The following FGF14 variants were observed in gnomAD, a reference collection of about 807,000 sequenced individuals.
FGF14 encodes the protein fibroblast growth factor homologous factor 4.
FGF14 carries 5 observed loss-of-function variants against 25.5 expected under a neutral mutation model. The ratio of observed to expected loss-of-function variants is 0.20; its 90% CI spans 0.10 to 0.41. The LOEUF (loss-of-function observed/expected upper bound fraction) is 0.41, where lower values mean the gene tolerates loss of function less well. FGF14 is among the 10% of genes least tolerant of loss of function. The pLI is 1.00. For missense variants in FGF14, 222 were observed against 320.1 expected, an observed-to-expected ratio of 0.69 and a Z score of 2.34; for synonymous variants, 138 against 118.3, an observed-to-expected ratio of 1.17 and a Z score of -1.08.
At chr13:102,174,827 C>G (rs933652884) in intron 1 of FGF14, among the ~76,000 whole-genome samples, 1 of 152,018 alleles carries the variant, frequency 6.6e-6, no homozygotes, top group Non-Finnish European at 1.5e-5. Context: ...ATTATGCTCA[C>G]TACCAGGGTG....
chr13:102,323,214 T>C (rs1448676709), intron 1 of FGF14, among the ~76,000 whole-genome samples: 3 of 152,182 alleles, frequency 2.0e-5, no homozygotes, highest in Admixed American at 6.5e-5. Context: ...CTGAGAAAAA[T>C]TGTTCCATGT....
chr13:102,032,238 C>T (rs958043273), intron 1 of FGF14, among the ~76,000 whole-genome samples: 1 of 152,098 alleles, frequency 6.6e-6, no homozygotes, highest in African/African-American at 2.4e-5. Context: ...CTCTCCACTA[C>T]CCACTAAATA....
intron 3 of FGF14, among the ~76,000 whole-genome samples, chr13:101,735,891 T>C (rs896604748): frequency 2.6e-5 from 4 of 152,232 alleles, no homozygotes; most frequent in African/African-American, 4.8e-5. Flanking sequence ...AAATGGATAC[T>C]GCTTTACGTG....
At chr13:101,839,900 C>A (rs879298781) in intron 3 of FGF14, among the ~76,000 whole-genome samples, 3 of 151,938 alleles carry the variant, frequency 2.0e-5, no homozygotes, top group Non-Finnish European at 2.9e-5. Flanking sequence ...AAGGCTAGAA[C>A]CTACTCTCTG....
At chr13:102,370,889 T>C (rs1253020764) in intron 1 of FGF14, among the ~76,000 whole-genome samples, 1 of 150,538 alleles carries the variant, frequency 6.6e-6, no homozygotes, top group Admixed American at 6.6e-5. Flanking sequence ...ATAGTTCACA[T>C]ACATGAACTA....
intron 3 of FGF14, among the ~76,000 whole-genome samples, chr13:101,741,951 A>C (rs1271826772): frequency 6.6e-6 from 1 of 152,152 alleles, no homozygotes; most frequent in Admixed American, 6.5e-5. Flanking sequence ...ACTTTTAAGG[A>C]TAATAGAAAA....
chr13:102,013,364 T>G (rs1370912031), intron 1 of FGF14, among the ~76,000 whole-genome samples: 1 of 152,166 alleles, frequency 6.6e-6, no homozygotes, highest in Non-Finnish European at 1.5e-5. Flanking sequence ...GAATAAATGT[T>G]AAAAATACAG....
intron 1 of FGF14, among the ~76,000 whole-genome samples, chr13:102,202,794 T>C (rs2049722806): frequency 6.6e-6 from 1 of 152,220 alleles, no homozygotes; most frequent in Non-Finnish European, 1.5e-5. Context: ...AAATGTCCTT[T>C]TCTGAGTTCC....
chr13:102,097,038 T>C (rs1334909655), intron 1 of FGF14, among the ~76,000 whole-genome samples: 2 of 151,848 alleles, frequency 1.3e-5, no homozygotes, highest in African/African-American at 4.8e-5. Flanking sequence ...ACTTTTTTTT[T>C]TTTTTAAGCA....
At chr13:101,989,036 C>T (rs1024763823) in intron 1 of FGF14, among the ~76,000 whole-genome samples, 3 of 151,926 alleles carry the variant, frequency 2.0e-5, no homozygotes, top group Non-Finnish European at 2.9e-5. Flanking sequence ...AAATACCTAT[C>T]AGATAATTCT....
intron 1 of FGF14, among the ~76,000 whole-genome samples, chr13:102,301,315 A>G (rs1286249020): frequency 6.6e-6 from 1 of 152,218 alleles, no homozygotes; most frequent in Non-Finnish European, 1.5e-5. Context: ...GACTTTTTAA[A>G]AAGAGTTTTC....
intron 1 of FGF14, among the ~76,000 whole-genome samples, chr13:102,314,338 T>C (rs2055916295): frequency 6.6e-6 from 1 of 152,204 alleles, no homozygotes; most frequent in Non-Finnish European, 1.5e-5. Context: ...CATGCACAAA[T>C]TAAGCAGCAC....
At chr13:101,942,747 C>G (rs1429984558) in intron 1 of FGF14, among the ~76,000 whole-genome samples, 1 of 152,226 alleles carries the variant, frequency 6.6e-6, no homozygotes, top group East Asian at 1.9e-4. Flanking sequence ...AACTCCTACA[C>G]TGGTGTCTGT....
At chr13:102,209,086 G>A (rs1011729830) in intron 1 of FGF14, among the ~76,000 whole-genome samples, 2 of 152,206 alleles carry the variant, frequency 1.3e-5, no homozygotes, top group Non-Finnish European at 2.9e-5. Flanking sequence ...GCGAGGACGC[G>A]AGGAAGGCAG....
intron 1 of FGF14, among the ~76,000 whole-genome samples, chr13:102,225,222 TG>T (rs986067980): frequency 6.6e-6 from 1 of 152,084 alleles, no homozygotes; most frequent in African/African-American, 2.4e-5. Context: ...CTCTCTTCAC[TG>T]GCCTTTCCCC....
At chr13:102,082,639 C>G (rs1344443562) in intron 1 of FGF14, among the ~76,000 whole-genome samples, 1 of 152,182 alleles carries the variant, frequency 6.6e-6, no homozygotes, top group Non-Finnish European at 1.5e-5. Flanking sequence ...ATTCCAAACT[C>G]AAATTAATGG....
intron 1 of FGF14, among the ~76,000 whole-genome samples, chr13:102,141,420 C>A (rs1024446683): frequency 1.3e-5 from 2 of 152,214 alleles, no homozygotes; most frequent in African/African-American, 4.8e-5. Context: ...CTTATCAGTA[C>A]AAAAACAAGA....
At chr13:102,294,835 T>C (rs2054615779) in intron 1 of FGF14, among the ~76,000 whole-genome samples, 1 of 152,192 alleles carries the variant, frequency 6.6e-6, no homozygotes, top group South Asian at 2.1e-4. Flanking sequence ...GACGGCTCTC[T>C]CAGTGCCTCA....
At chr13:102,080,704 C>T (rs2043578972) in intron 1 of FGF14, among the ~76,000 whole-genome samples, 1 of 152,220 alleles carries the variant, frequency 6.6e-6, no homozygotes, top group Non-Finnish European at 1.5e-5. Flanking sequence ...CTTTCTCCCT[C>T]CAGAACTAAT....
Sources: allele counts gnomAD v4.1 joint callset (sites outside exome capture counted in the v4.1 genomes callset), GRCh38; gene constraint gnomAD v4.1.1; transcripts MANE v1.5; gene names NCBI Gene and HGNC (gene_info 2026-07-23, HGNC 2026-07-21).